Variants in CLPB observed in about 807,000 individuals in gnomAD.
CLPB encodes the protein mitochondrial disaggregase.
Under a neutral mutation model 78.4 loss-of-function variants are expected in CLPB, and 40 were observed. The ratio of observed to expected loss-of-function variants is 0.51; its 90% CI spans 0.40 to 0.66. The LOEUF (loss-of-function observed/expected upper bound fraction) is 0.66, where lower values mean the gene tolerates loss of function less well. Among genes scored for constraint, CLPB ranks in the 30% least tolerant of loss-of-function variants. The pLI is 0.00. For missense variants in CLPB, 780 were observed against 886.9 expected (o/e 0.88, Z 1.53); for synonymous variants, 333 against 348.0 (o/e 0.96, Z 0.48).
At chr11:72,350,521 T>G (rs765423213) in intron 5 of CLPB, among the ~76,000 whole-genome samples, 6 of 152,364 alleles carry the variant, frequency 3.9e-5, no homozygotes, top group Non-Finnish European at 5.9e-5. Context: ...ATTTTGTAAT[T>G]ATTTGCCTAA....
intron 2 of CLPB, among the ~76,000 whole-genome samples, chr11:72,427,711 T>C (rs558261049): frequency 6.6e-6 from 1 of 152,334 alleles, no homozygotes; most frequent in South Asian, 2.1e-4. Flanking sequence ...AGGTGTGTGG[T>C]AGGCTATTAC....
At chr11:72,314,115 T>C (rs1949896726) in intron 7 of CLPB, among the ~76,000 whole-genome samples, 1 of 152,188 alleles carries the variant, frequency 6.6e-6, no homozygotes, top group African/African-American at 2.4e-5. Context: ...GCATGAGATC[T>C]GGTGGTGTGC....
chr11:72,390,021 G>A (rs1243457690), intron 3 of CLPB, among the ~76,000 whole-genome samples: 2 of 152,336 alleles, frequency 1.3e-5, no homozygotes, highest in African/African-American at 4.8e-5. Context: ...TGGGGAAGCA[G>A]AGAATGTCTA....
At chr11:72,348,754 G>C (rs1190990367) in intron 5 of CLPB, among the ~76,000 whole-genome samples, 1 of 152,182 alleles carries the variant, frequency 6.6e-6, no homozygotes, top group East Asian at 1.9e-4. Flanking sequence ...ACTGTACAGG[G>C]TGTAGTCTCA....
At chr11:72,380,169 A>T in intron 4 of CLPB, 112 bp downstream of exon 4, 1 of 794,868 alleles carries the variant, frequency 1.3e-6, no homozygotes, top group Non-Finnish European at 2.1e-6. Context: ...ACAGAGGTAA[A>T]GAACATGCAG....
At chr11:72,424,071 T>C (rs913127917) in intron 2 of CLPB, among the ~76,000 whole-genome samples, 7 of 152,276 alleles carry the variant, frequency 4.6e-5, no homozygotes, top group African/African-American at 1.4e-4. Flanking sequence ...TATTCTGTTA[T>C]AGCAGCCCAA....
At chr11:72,426,377 T>G (rs1856374806) in intron 2 of CLPB, among the ~76,000 whole-genome samples, 1 of 152,132 alleles carries the variant, frequency 6.6e-6, no homozygotes, top group Admixed American at 6.5e-5. Context: ...GTGCCCTAGG[T>G]TTCGGGTGAG....
intron 10 of CLPB, 161 bp from the exon 11 acceptor site, chr11:72,302,125 T>C: frequency 3.1e-6 from 3 of 981,190 alleles, no homozygotes; most frequent in Non-Finnish European, 4.6e-6. Flanking sequence ...ATCTTCTCTA[T>C]GTTTATTCTT....
intron 12 of CLPB, 49 bp from the exon 13 acceptor site, chr11:72,294,742 TG>T: frequency 6.6e-7 from 1 of 1,513,278 alleles, no homozygotes; most frequent in African/African-American, 1.4e-5. Flanking sequence ...CAGGGAACTT[TG>T]GGGGCTGTGC....
At position 72,429,691 on chromosome 11, in the gene CLPB, C is replaced by T. The variant is rs549450456; in HGVS notation, c.455+621G>A. On this transcript the variant is annotated intron_variant, in intron 2 of 15. Coordinates refer to ENST00000538039, the MANE Select transcript of CLPB (RefSeq NM_001258392.3). ...CCAGTCTGAGCATCCATCCTGGACA[C>T]AGACTCTGCCCTATACCTGGCACTG... 3.3e-5 allele frequency among the ~76,000 whole-genome samples: 5 copies of T among 152,376 alleles called. No individual in the cohort carries two copies. The East Asian group carries it at 9.6e-4, about 29-fold the overall frequency.
intron 9 of CLPB, chr11:72,302,711 A>T (rs946681860): frequency 3.5e-6 from 1 of 289,760 alleles, no homozygotes; most frequent in Non-Finnish European, 6.8e-6. Context: ...CCGGAGTTAC[A>T]ACAGGGAACA....
At chr11:72,306,072 G>A (rs1330074764) in intron 9 of CLPB, among the ~76,000 whole-genome samples, 1 of 152,186 alleles carries the variant, frequency 6.6e-6, no homozygotes, top group South Asian at 2.1e-4. Flanking sequence ...ATGCTATCTC[G>A]GTCGGAGCGC....
At chr11:72,295,828 T>A (rs1463778099) in intron 11 of CLPB, among the ~76,000 whole-genome samples, 180 bp from the exon 12 acceptor site, 1 of 152,218 alleles carries the variant, frequency 6.6e-6, no homozygotes, top group Non-Finnish European at 1.5e-5. Flanking sequence ...CCTTGGCTGC[T>A]GTGCTCACCG....
intron 6 of CLPB, among the ~76,000 whole-genome samples, chr11:72,319,081 ATG>A (rs894831502): frequency 2.6e-5 from 4 of 152,186 alleles, no homozygotes; most frequent in African/African-American, 9.7e-5. Flanking sequence ...CCCTTCAGTG[ATG>A]AGTTCCAGAG....
At chr11:72,426,190 T>C (rs1856369720) in intron 2 of CLPB, among the ~76,000 whole-genome samples, 1 of 152,220 alleles carries the variant, frequency 6.6e-6, no homozygotes, top group African/African-American at 2.4e-5. Context: ...AGCAGAGGCC[T>C]AGCCCCCTGC....
chr11:72,335,054 T>C (rs1030848223), intron 5 of CLPB, among the ~76,000 whole-genome samples: 1 of 151,780 alleles, frequency 6.6e-6, no homozygotes, highest in Admixed American at 6.6e-5. Context: ...ATTAACTCCA[T>C]CCTCTTAACC....
chr11:72,300,977 T>A (rs891758910), intron 11 of CLPB, among the ~76,000 whole-genome samples: 2 of 152,218 alleles, frequency 1.3e-5, no homozygotes, highest in Middle Eastern at 3.2e-3. Flanking sequence ...ATCAGACATA[T>A]CTGCAGCCCA....
At chr11:72,401,521 C>T (rs920821916) in intron 3 of CLPB, among the ~76,000 whole-genome samples, 5 of 151,996 alleles carry the variant, frequency 3.3e-5, no homozygotes, top group African/African-American at 1.2e-4. Context: ...ATCAGGAAAC[C>T]GAGTGACTAA....
At chr11:72,302,532 C>T (rs576708242) in intron 9 of CLPB, 184 bp from the exon 10 acceptor site, 14 of 601,926 alleles carry the variant, frequency 2.3e-5, no homozygotes, top group Non-Finnish European at 3.6e-5. Context: ...TCATTTCCTA[C>T]GAGTCCCTCA....
Sources: allele counts gnomAD v4.1 joint callset (sites outside exome capture counted in the v4.1 genomes callset), GRCh38; gene constraint gnomAD v4.1.1; transcripts MANE v1.5; gene names NCBI Gene and HGNC (gene_info 2026-07-23, HGNC 2026-07-21).